The following PTP4A2 variants were observed in gnomAD, a reference collection of about 807,000 sequenced individuals.
PTP4A2 encodes the protein protein tyrosine phosphatase type IVA 2.
A neutral mutation model predicts 22.9 loss-of-function variants in PTP4A2; 2 were observed. The observed-to-expected ratio is 0.09, with a 90% CI of 0.04 to 0.27. The LOEUF is 0.27. Ranked by LOEUF, PTP4A2 falls within the 10% of genes least tolerant of loss-of-function variation. The pLI is 1.00. For synonymous variants in PTP4A2, 68 were observed against 69.1 expected (o/e 0.98, Z 0.08); for missense variants, 103 against 205.1 (o/e 0.50, Z 3.04).
At position 31,922,598 on chromosome 1, in the gene PTP4A2, C is replaced by G. The variant is rs568280749; in HGVS notation, c.-593-2940G>C. On this transcript the variant is annotated intron_variant, in intron 1 of 5. Transcript: ENST00000647444. ...AAAACCCAGGTTTGTTTCTTTCTTT[C>G]TTTCTTTCTTTCTTTCTTTCTTTCT... Among the ~76,000 whole-genome samples the G allele has an allele frequency of 4.1e-3, 325 of 79,236 alleles. 1 individual carries two copies. In the South Asian group the frequency reaches 0.062, roughly 15 times the overall value. 52.0% of individuals were successfully genotyped at this position (79,236 alleles called of 152,430 possible). A position where few individuals can be genotyped will look rare whatever the true frequency, so the allele number is the denominator to read the frequency against.
At chr1:31,925,163 C>T (rs965872919) in intron 1 of PTP4A2, among the ~76,000 whole-genome samples, 4 of 152,112 alleles carry the variant, frequency 2.6e-5, no homozygotes, top group Non-Finnish European at 4.4e-5. Context: ...GTCAACAGCA[C>T]GATTTACTAC....
At chr1:31,933,158 T>A (rs532530997) in intron 1 of PTP4A2, 2 of 152,388 alleles carry the variant, frequency 1.3e-5, no homozygotes, top group Non-Finnish European at 2.9e-5. Context: ...CATACCACTA[T>A]GCCTGGCTAG....
Position 31,919,075 on chromosome 1 carries a change from T to TA in PTP4A2, c.-11dup, listed in dbSNP as rs766344548. 2.0e-6 allele frequency: 3 copies of TA among 1,501,072 alleles called. No individual in the cohort carries two copies. Among genetic ancestry groups the TA allele is most frequent in the African/African-American group, 2.8e-5 (2 of 71,778 alleles). 93.0% of individuals were successfully genotyped at this position (1,501,072 alleles called of 1,614,324 possible). ...GGGCTGGACGGTTCATTATGGCAAA[T>TA]AAAAAGTGTGAGCGTGCGTGTGAGT... On this transcript the variant is annotated 5_prime_UTR_variant, in exon 2 of 6. Coordinates refer to ENST00000647444, the MANE Select transcript of PTP4A2 (RefSeq NM_080391.4).
intron 2 of PTP4A2, among the ~76,000 whole-genome samples, chr1:31,917,998 C>G (rs1175955246): frequency 6.7e-6 from 1 of 149,866 alleles, no homozygotes; most frequent in African/African-American, 2.5e-5. Context: ...TGCCTGTAAT[C>G]CCAGCACTTT....
chr1:31,913,083 A>T (rs537508914), intron 3 of PTP4A2: 41 of 428,388 alleles, frequency 9.6e-5, no homozygotes, highest in Middle Eastern at 3.7e-4. Context: ...GTCTATTTTT[A>T]AAAAAATCAT....
Position 31,919,080 on chromosome 1 carries a change from A to T in PTP4A2, c.-15T>A. On this transcript the variant is annotated 5_prime_UTR_variant, in exon 2 of 6. Transcript: ENST00000647444. ...GGACGGTTCATTATGGCAAATAAAA[A>T]GTGTGAGCGTGCGTGTGAGTGTGAT... 7.1e-7 allele frequency: 1 copy of T among 1,417,346 alleles called. No homozygotes were observed. Among genetic ancestry groups the T allele is most frequent in the Non-Finnish European group, 1.0e-6 (1 of 1,003,696 alleles). 87.8% of individuals were successfully genotyped at this position (1,417,346 alleles called of 1,614,324 possible). A position where few individuals can be genotyped will look rare whatever the true frequency, so the allele number is the denominator to read the frequency against.
intron 1 of PTP4A2, among the ~76,000 whole-genome samples, chr1:31,923,831 C>T (rs1292337146): frequency 3.9e-5 from 6 of 152,274 alleles, no homozygotes; most frequent in African/African-American, 1.4e-4. Context: ...AAGTCCAGCC[C>T]CACATATTTT....
chr1:31,934,989 C>T (rs1652872167), intron 1 of PTP4A2, among the ~76,000 whole-genome samples: 1 of 152,098 alleles, frequency 6.6e-6, no homozygotes, highest in Non-Finnish European at 1.5e-5. Context: ...AAATCTGTTG[C>T]CTTAGTAGAA....
chr1:31,910,120 A>G lies in PTP4A2; in HGVS notation c.321-8T>C, dbSNP rs1569573763. 1 of 1,609,020 alleles carries G rather than the reference A, an allele frequency of 6.2e-7. No homozygotes were observed. The highest frequency in any genetic ancestry group is 8.5e-7 in the Non-Finnish European group (1 of 1,176,040). On this transcript the variant is annotated splice_region_variant and splice_polypyrimidine_tract_variant and intron_variant, in intron 4 of 5. Coordinates refer to ENST00000647444, the MANE Select transcript of PTP4A2 (RefSeq NM_080391.4). ...GCAACCAGCACAGGTGCCCTGCAGA[A>G]AGAAACCTGTATGTAAGTATCCATA...
chr1:31,916,356 A>C lies in PTP4A2; in HGVS notation c.97-369T>G, dbSNP rs1016303882. 1.4e-3 allele frequency among the ~76,000 whole-genome samples: 213 copies of C among 147,810 alleles called. 4 individuals carry two copies. Among genetic ancestry groups the C allele is most frequent in the African/African-American group, 4.9e-3 (192 of 39,016 alleles). On this transcript the variant is annotated intron_variant, in intron 2 of 5. Transcript: ENST00000647444. ...CGAGACTCCGTCTCCAAAAAAAAAA[A>C]AAAAAAAAAAAAAAAAGAAATCTAC...
chr1:31,924,253 T>C (rs934595810), intron 1 of PTP4A2: 1 of 152,230 alleles, frequency 6.6e-6, no homozygotes, highest in African/African-American at 2.4e-5. Context: ...AGATAATTCA[T>C]TATTAAGATT....
intron 1 of PTP4A2, among the ~76,000 whole-genome samples, chr1:31,922,578 C>G (rs1347015898): frequency 1.3e-5 from 2 of 150,626 alleles, no homozygotes; most frequent in Non-Finnish European, 3.0e-5. Context: ...GAACAAAAAC[C>G]CAGGTTTGTT....
At position 31,938,245 on chromosome 1, in the gene PTP4A2, G is replaced by C. The variant is rs894805303; in HGVS notation, c.-852C>G. ...TGCCGCCGCTGCCTCCGCTGCCGCC[G>C]CTGCCCTGTGGCGTCACCTCGCGCC... On this transcript the variant is annotated 5_prime_UTR_variant, in exon 1 of 6. Transcript: ENST00000647444. This position sits in a 1 kb window ranked among gnomAD's most constrained non-coding sequence, Gnocchi z 4.4. 6.5e-6 allele frequency: 1 copy of C among 153,968 alleles called. No individual in the cohort carries two copies. Among genetic ancestry groups the C allele is most frequent in the Non-Finnish European group, 1.4e-5 (1 of 70,972 alleles). 9.5% of individuals were successfully genotyped at this position (153,968 alleles called of 1,614,324 possible).
intron 1 of PTP4A2, among the ~76,000 whole-genome samples, chr1:31,924,955 A>T (rs72664996): frequency 0.011 from 1,614 of 152,362 alleles, 14 homozygotes; most frequent in Non-Finnish European, 0.017. Flanking sequence ...GTATGAACTG[A>T]TATGAAATGA....
At chr1:31,935,063 C>T (rs1330818418) in intron 1 of PTP4A2, among the ~76,000 whole-genome samples, 1 of 152,168 alleles carries the variant, frequency 6.6e-6, no homozygotes, top group Non-Finnish European at 1.5e-5. Flanking sequence ...AGTGCTTTCA[C>T]GTGTATTTTC....
chr1:31,937,264 T>TG (rs1652976137), intron 1 of PTP4A2, among the ~76,000 whole-genome samples: 1 of 152,074 alleles, frequency 6.6e-6, no homozygotes, highest in Non-Finnish European at 1.5e-5. Flanking sequence ...ACATCCTTTC[T>TG]GGGGGAAAAA....
chr1:31,918,328 T>A (rs758318082), intron 2 of PTP4A2, among the ~76,000 whole-genome samples: 3 of 152,132 alleles, frequency 2.0e-5, no homozygotes, highest in Non-Finnish European at 4.4e-5. Context: ...AGAAAAAATA[T>A]TAAGGATCTG....
intron 1 of PTP4A2, chr1:31,933,346 C>G (rs767841453): frequency 6.6e-6 from 1 of 152,060 alleles, no homozygotes; most frequent in Non-Finnish European, 1.5e-5. Flanking sequence ...GTAATTATAA[C>G]TGGTGGTATC....
chr1:31,917,416 G>A (rs1459829031), intron 2 of PTP4A2, among the ~76,000 whole-genome samples: 1 of 152,040 alleles, frequency 6.6e-6, no homozygotes, highest in East Asian at 1.9e-4. Flanking sequence ...ACTCAAGAAA[G>A]GTAGAAGTAT....
Sources: gnomAD v4.1 joint callset for allele counts (sites outside exome capture counted in the v4.1 genomes callset) on GRCh38, gnomAD v4.1.1 for gene constraint, Gnocchi (gnomAD v3.1) non-coding constraint, MANE v1.5 for transcripts, NCBI Gene and HGNC (gene_info 2026-07-23, HGNC 2026-07-21) for gene names.